The following THSD7B variants were observed in gnomAD, a reference collection of about 807,000 sequenced individuals.
The protein encoded by THSD7B is thrombospondin type 1 domain containing 7B, also known as thrombospondin type-1 domain-containing protein 7B.
THSD7B carries 138 observed loss-of-function variants against 213.6 expected under a neutral mutation model. That is an observed-to-expected ratio of 0.65 (90% confidence interval 0.56 to 0.74). The LOEUF (loss-of-function observed/expected upper bound fraction) is 0.74. THSD7B is among the 30% of genes least tolerant of loss of function. The pLI is 0.00. For synonymous variants in THSD7B, 742 were observed against 687.0 expected (o/e 1.08, Z -1.25); for missense variants, 1,931 against 1,991.5 (o/e 0.97, Z 0.58).
intron 1 of THSD7B, among the ~76,000 whole-genome samples, chr2:136,804,802 G>A (rs1477415169): frequency 6.6e-6 from 1 of 152,110 alleles, no homozygotes; most frequent in South Asian, 2.1e-4. Flanking sequence ...AATTATTAAG[G>A]ATGAGGTGTC....
At chr2:137,488,999 A>G (rs1039346021) in intron 15 of THSD7B, among the ~76,000 whole-genome samples, 1 of 152,160 alleles carries the variant, frequency 6.6e-6, no homozygotes, top group East Asian at 1.9e-4. Context: ...TGCCAACATA[A>G]TTTTCCACAC....
intron 1 of THSD7B, among the ~76,000 whole-genome samples, chr2:136,785,963 T>C (rs187190263): frequency 1.2e-4 from 19 of 152,312 alleles, no homozygotes; most frequent in African/African-American, 4.1e-4. Flanking sequence ...ACGTCTCCCT[T>C]CCCTGCTATA....
intron 2 of THSD7B, among the ~76,000 whole-genome samples, chr2:137,022,471 T>G (rs989848566): frequency 1.3e-5 from 2 of 152,156 alleles, no homozygotes; most frequent in South Asian, 2.1e-4. Flanking sequence ...AATGAAAATT[T>G]AGCATCCAAA....
chr2:136,877,959 T>G (rs1018129386), intron 1 of THSD7B, among the ~76,000 whole-genome samples: 3 of 151,990 alleles, frequency 2.0e-5, no homozygotes, highest in Non-Finnish European at 4.4e-5. Flanking sequence ...TTAGGGTACA[T>G]GTGCACAATG....
intron 12 of THSD7B, among the ~76,000 whole-genome samples, chr2:137,381,799 A>G (rs1685781518): frequency 1.3e-5 from 2 of 152,174 alleles, no homozygotes; most frequent in African/African-American, 2.4e-5. Flanking sequence ...GGGGAAGGAC[A>G]TTGCTGTGTG....
chr2:137,237,789 G>A (rs552641274), intron 9 of THSD7B, among the ~76,000 whole-genome samples: 4 of 152,346 alleles, frequency 2.6e-5, no homozygotes, highest in African/African-American at 9.6e-5. Context: ...TAGACAATGT[G>A]TAGATAAAGA....
intron 7 of THSD7B, among the ~76,000 whole-genome samples, chr2:137,173,928 A>G (rs1174815096): frequency 6.6e-6 from 1 of 152,152 alleles, no homozygotes; most frequent in African/African-American, 2.4e-5. Flanking sequence ...TGAGATATAC[A>G]GTGTCCTTTG....
rs949535914 is a variant in THSD7B, at chr2:137,495,014, C to A, written c.3138+43991C>A. Among the ~76,000 whole-genome samples, 26 of 152,184 alleles carry A rather than the reference C, an allele frequency of 1.7e-4. 1 individual carries two copies. Among genetic ancestry groups the A allele is most frequent in the Admixed American group, 1.1e-3 (17 of 15,278 alleles). On this transcript the variant is annotated intron_variant, in intron 15 of 27. Coordinates refer to ENST00000409968, the MANE Select transcript of THSD7B (RefSeq NM_001316349.2). ...AGAGTGCTACTTTCCATTTTCCTGGCATGCTGGGATTCCTTCTCTCACTCA... is the reference window on the plus strand; with the variant it reads ...AGAGTGCTACTTTCCATTTTCCTGGAATGCTGGGATTCCTTCTCTCACTCA...
intron 2 of THSD7B, among the ~76,000 whole-genome samples, chr2:136,972,439 T>A (rs1685419809): frequency 6.6e-6 from 1 of 152,230 alleles, no homozygotes; most frequent in Non-Finnish European, 1.5e-5. Context: ...GGTCTTTTAA[T>A]GTTATTTGAT....
intron 7 of THSD7B, among the ~76,000 whole-genome samples, chr2:137,218,501 T>C (rs942291391): frequency 6.6e-6 from 1 of 151,394 alleles, no homozygotes; most frequent in South Asian, 2.1e-4. Context: ...TTGTAATAAC[T>C]GGTAGGTGAG....
At chr2:137,119,002 C>A (rs1363743324) in intron 5 of THSD7B, among the ~76,000 whole-genome samples, 1 of 152,072 alleles carries the variant, frequency 6.6e-6, no homozygotes, top group Non-Finnish European at 1.5e-5. Flanking sequence ...GCAAACACCC[C>A]CATGATTCAA....
At chr2:137,012,017 G>A (rs754582103) in intron 2 of THSD7B, among the ~76,000 whole-genome samples, 8 of 152,122 alleles carry the variant, frequency 5.3e-5, no homozygotes, top group Non-Finnish European at 8.8e-5. Context: ...TAAGTAATGG[G>A]TTGAATTTAG....
At chr2:137,190,437 G>T (rs1344094918) in intron 7 of THSD7B, among the ~76,000 whole-genome samples, 5 of 152,160 alleles carry the variant, frequency 3.3e-5, no homozygotes, top group Non-Finnish European at 5.9e-5. Context: ...CTGCTCCGAG[G>T]TGTCTCTGAG....
Position 137,501,810 on chromosome 2 carries a change from G to T in THSD7B, c.3138+50787G>T, listed in dbSNP as rs114193500. Among the ~76,000 whole-genome samples the T allele has an allele frequency of 1.7e-3, 257 of 152,322 alleles. 1 individual carries two copies. Among genetic ancestry groups the T allele is most frequent in the African/African-American group, 5.6e-3 (231 of 41,572 alleles). Reference sequence around the variant, plus strand: ...ATCTCTGAAGCCACAGAATAGCAGAGATAAGTTAAATTTAGTGGTTAATTG... The same window carrying T: ...ATCTCTGAAGCCACAGAATAGCAGATATAAGTTAAATTTAGTGGTTAATTG... On this transcript the variant is annotated intron_variant, in intron 15 of 27. Coordinates refer to ENST00000409968, the MANE Select transcript of THSD7B (RefSeq NM_001316349.2).
Position 137,302,066 on chromosome 2 carries a change from C to A in THSD7B, c.2500+26040C>A, listed in dbSNP as rs375756206. On this transcript the variant is annotated intron_variant, in intron 12 of 27. Coordinates refer to ENST00000409968, the MANE Select transcript of THSD7B (RefSeq NM_001316349.2). Reference sequence around the variant, plus strand: ...TGCTGTCATTAGACGTAAGAAAGGGCCAGATTTTGAATATGGTTTGAGGGT... The same window carrying A: ...TGCTGTCATTAGACGTAAGAAAGGGACAGATTTTGAATATGGTTTGAGGGT... Among the ~76,000 whole-genome samples, 4 of 151,940 alleles carry A rather than the reference C, an allele frequency of 2.6e-5. No individual in the cohort carries two copies. In the East Asian group the frequency reaches 7.7e-4, roughly 29 times the overall value.
rs563529077 is a variant in THSD7B, at chr2:137,199,920, A to G, written c.1723+28982A>G. On this transcript the variant is annotated intron_variant, in intron 7 of 27. Transcript: ENST00000409968. ...GGCTAGAATGATTAATGAGAAAACAATGCTGGTGGCCAAATATTTCTAGAG... is the reference window on the plus strand; with the variant it reads ...GGCTAGAATGATTAATGAGAAAACAGTGCTGGTGGCCAAATATTTCTAGAG... Among the ~76,000 whole-genome samples the G allele has an allele frequency of 1.5e-4, 23 of 152,270 alleles. No homozygotes were observed. The South Asian group carries it at 4.3e-3, about 29-fold the overall frequency.
intron 2 of THSD7B, among the ~76,000 whole-genome samples, chr2:136,899,080 A>G (rs890324682): frequency 6.6e-6 from 1 of 152,186 alleles, no homozygotes; most frequent in Non-Finnish European, 1.5e-5. Flanking sequence ...AGGAACCATA[A>G]AAAATACCCT....
At chr2:137,306,252 G>A (rs140067633) in intron 12 of THSD7B, among the ~76,000 whole-genome samples, 25 of 152,200 alleles carry the variant, frequency 1.6e-4, no homozygotes, top group Non-Finnish European at 2.9e-4. Context: ...CCGTTATAAT[G>A]TTATGGGACC....
intron 15 of THSD7B, among the ~76,000 whole-genome samples, chr2:137,478,786 G>A (rs1364848835): frequency 6.6e-6 from 1 of 152,056 alleles, no homozygotes; most frequent in Non-Finnish European, 1.5e-5. Context: ...TTTGATCCTG[G>A]GTGCATAGTA....
Sources: gnomAD v4.1 joint callset for allele counts (sites outside exome capture counted in the v4.1 genomes callset) on GRCh38, gnomAD v4.1.1 for gene constraint, MANE v1.5 for transcripts, NCBI Gene and HGNC (gene_info 2026-07-23, HGNC 2026-07-21) for gene names.